Variants in SENP2 observed in about 807,000 individuals in gnomAD.
SENP2 encodes sentrin-specific protease 2.
Under a neutral mutation model 86.3 loss-of-function variants are expected in SENP2, and 16 were observed. The ratio of observed to expected loss-of-function variants is 0.19; its 90% confidence interval spans 0.13 to 0.28. The LOEUF (loss-of-function observed/expected upper bound fraction) is 0.28, where lower values mean the gene tolerates loss of function less well. Ranked by LOEUF, SENP2 falls within the 10% of genes least tolerant of loss-of-function variation. The pLI is 1.00. For missense variants in SENP2, 552 were observed against 703.0 expected, an observed-to-expected ratio of 0.79 and a Z score of 2.43; for synonymous variants, 222 against 238.7, an observed-to-expected ratio of 0.93 and a Z score of 0.64.
intron 7 of SENP2, among the ~76,000 whole-genome samples, chr3:185,610,655 G>A: frequency 6.6e-6 from 1 of 152,020 alleles, no homozygotes; most frequent in Non-Finnish European, 1.5e-5. Flanking sequence ...AACTATTTTT[G>A]CTTTTTAAAG....
intron 2 of SENP2, 57 bp downstream of exon 2, chr3:185,590,226 G>A: frequency 3.3e-6 from 3 of 895,994 alleles, no homozygotes; most frequent in South Asian, 1.8e-5. Context: ...ATATATGCAT[G>A]GAACAAAATT....
intron 1 of SENP2, among the ~76,000 whole-genome samples, chr3:185,588,460 G>A (rs1020883835): frequency 6.6e-6 from 1 of 152,128 alleles, no homozygotes; most frequent in Admixed American, 6.6e-5. Flanking sequence ...CAAAATGCTG[G>A]GACTACAGAC....
At chr3:185,592,106 T>G (rs1308530566) in intron 2 of SENP2, among the ~76,000 whole-genome samples, 1 of 143,644 alleles carries the variant, frequency 7.0e-6, no homozygotes, top group African/African-American at 2.6e-5. Flanking sequence ...GAGGCAAGGG[T>G]ATCACTGTGT....
At chr3:185,601,903 G>C (rs1266976704) in intron 5 of SENP2, among the ~76,000 whole-genome samples, 2 of 152,140 alleles carry the variant, frequency 1.3e-5, no homozygotes, top group Non-Finnish European at 2.9e-5. Context: ...CTCTCAAAGT[G>C]CTGGGATTAC....
chr3:185,609,273 G>A lies in SENP2; in HGVS notation c.645G>A (p.Lys215=). The change falls in exon 7 of 17, where the codon AAG becomes AAA. Residue 215 remains lysine, a synonymous_variant. Coordinates refer to ENST00000296257, the MANE Select transcript of SENP2 (RefSeq NM_021627.3). ...EEGVQKEERE[K]YRKLLERLKE... is the part of the protein sequence containing the mutation. ...GTGTTCAAAAAGAGGAAAGAGAGAA[G>A]TACCGAAAGTTATTGGAACGACTTA... The A allele has an allele frequency of 6.2e-7, 1 of 1,613,450 alleles. No homozygotes were observed. Among genetic ancestry groups the A allele is most frequent in the Non-Finnish European group, 8.5e-7 (1 of 1,179,486 alleles).
chr3:185,592,347 C>G (rs1382026632), intron 2 of SENP2, among the ~76,000 whole-genome samples: 2 of 151,790 alleles, frequency 1.3e-5, no homozygotes, highest in Non-Finnish European at 2.9e-5. Flanking sequence ...GCCACTGTGC[C>G]CAGCCAAGTC....
Position 185,629,933 on chromosome 3 carries a change from C to A in SENP2, c.*89C>A. On this transcript the variant is annotated 3_prime_UTR_variant, in exon 17 of 17. Coordinates refer to ENST00000296257, the MANE Select transcript of SENP2 (RefSeq NM_021627.3). ...TGCATTGTGGGTTAAAAAGTCCCTG[C>A]ATCACTTCTGTTCTCACAGGTACTG... 1 of 1,297,900 alleles carries A rather than the reference C, an allele frequency of 7.7e-7. No homozygotes were observed. Among genetic ancestry groups the A allele is most frequent in the Non-Finnish European group, 1.1e-6 (1 of 899,708 alleles). 80.4% of individuals were successfully genotyped at this position (1,297,900 alleles called of 1,614,324 possible). A position where few individuals can be genotyped will look rare whatever the true frequency, so the allele number is the denominator to read the frequency against.
chr3:185,623,193 G>A (rs1343884359), intron 14 of SENP2, among the ~76,000 whole-genome samples: 1 of 149,272 alleles, frequency 6.7e-6, no homozygotes, highest in Non-Finnish European at 1.5e-5. Context: ...CCAGGCTGGA[G>A]TGCAATGGCG....
intron 8 of SENP2, chr3:185,612,170 A>G (rs35637544): frequency 0.27 from 43,631 of 158,774 alleles, 6,599 homozygotes; most frequent in African/African-American, 0.39. Flanking sequence ...AAAAAAAAAA[A>G]CCTCACAGCA....
intron 16 of SENP2, among the ~76,000 whole-genome samples, chr3:185,628,755 C>T (rs1255517106): frequency 6.6e-6 from 1 of 152,150 alleles, no homozygotes; most frequent in African/African-American, 2.4e-5. Context: ...ATATGCCCAC[C>T]TTGGCCTCCC....
rs1451949810 is a variant in SENP2, at chr3:185,612,612, CTTG to C, written c.827_829del (p.Val276del). 1 of 1,605,250 alleles carries C rather than the reference CTTG, an allele frequency of 6.2e-7. No homozygotes were observed. Among genetic ancestry groups the C allele is most frequent in the South Asian group, 1.1e-5 (1 of 90,740 alleles). The stretch of plus-strand genomic sequence containing the variant: ...TTTCTTTACCATCCTCACAGATAGA[CTTG>C]TTGAAACAAGGGGACCTCTATGTTC... On this transcript the variant is annotated inframe_deletion, in exon 9 of 17. Coordinates refer to ENST00000296257, the MANE Select transcript of SENP2 (RefSeq NM_021627.3).
Position 185,611,684 on chromosome 3 carries a change from C to T in SENP2, c.756C>T (p.Thr252=). 6.2e-7 allele frequency: 1 copy of T among 1,613,640 alleles called. No individual in the cohort carries two copies. The highest frequency in any genetic ancestry group is 8.5e-7 in the Non-Finnish European group (1 of 1,179,870). The change falls in exon 8 of 17, where the codon ACC becomes ACT. Residue 252 remains threonine (T), a synonymous_variant. Coordinates refer to ENST00000296257, the MANE Select transcript of SENP2 (RefSeq NM_021627.3). ...SQRSQMDTLK[T]KGWGEEQNHG... ...GAAGTCAGATGGACACATTAAAGAC[C>T]AAAGGCTGGGGGGAAGAGCAAAATC...
At chr3:185,612,095 T>G (rs1432927623) in intron 8 of SENP2, 1 of 172,262 alleles carries the variant, frequency 5.8e-6, no homozygotes, top group Non-Finnish European at 1.2e-5. Flanking sequence ...AGGTGGAGGT[T>G]GCAGTGAGCC....
In SENP2 at chr3:185,614,647, CAGG is replaced by C; in HGVS notation, c.1022_1024del (p.Arg341del). 1 of 1,614,178 alleles carries C rather than the reference CAGG, an allele frequency of 6.2e-7. No individual in the cohort carries two copies. Among genetic ancestry groups the C allele is most frequent in the East Asian group, 2.2e-5 (1 of 44,890 alleles). On this transcript the variant is annotated inframe_deletion, in exon 11 of 17. Transcript: ENST00000296257. ...TGGGCAGTGGAAGCAATGGCTTACT[CAGG>C]AGGAAAGTGTCAATAATTGAGACAA...
chr3:185,610,466 A>G (rs1722651677), intron 7 of SENP2, among the ~76,000 whole-genome samples: 1 of 151,962 alleles, frequency 6.6e-6, no homozygotes, highest in Non-Finnish European at 1.5e-5. Flanking sequence ...CCGGCCTACT[A>G]TCTAGCTTTT....
chr3:185,590,946 G>C (rs1367526824), intron 2 of SENP2, among the ~76,000 whole-genome samples: 10 of 87,760 alleles, frequency 1.1e-4, no homozygotes, highest in African/African-American at 3.8e-4. Flanking sequence ...TTGCTCTGTC[G>C]CAGGCTGGAG....
At chr3:185,589,838 TA>T (rs536905452) in intron 1 of SENP2, among the ~76,000 whole-genome samples, 133 of 152,256 alleles carry the variant, frequency 8.7e-4, no homozygotes, top group Non-Finnish European at 1.5e-3. Flanking sequence ...ATTTTTTATT[TA>T]TTTTTTTATC....
At chr3:185,613,467 T>A in intron 10 of SENP2, 59 bp downstream of exon 10, 2 of 1,069,080 alleles carry the variant, frequency 1.9e-6, no homozygotes, top group Non-Finnish European at 2.8e-6. Flanking sequence ...TATGTTTTGG[T>A]GCCCATGAAA....
rs1577728539 is a variant in SENP2, at chr3:185,606,657, A to G, written c.618+159A>G. ...ATGAGGCTGTCTTAAACCCAGATGC[A>G]CCAAAAATCTGCATGCAGCATGTGC... On this transcript the variant is annotated intron_variant, in intron 6 of 16. Coordinates refer to ENST00000296257, the MANE Select transcript of SENP2 (RefSeq NM_021627.3). The G allele has an allele frequency of 1.4e-5, 9 of 640,760 alleles. No homozygotes were observed. The East Asian group carries it at 1.9e-4, about 13-fold the overall frequency. The allele number at this position is 640,760 out of a possible 1,614,324, so 39.7% of individuals were successfully genotyped here.
Sources: allele counts gnomAD v4.1 joint callset (sites outside exome capture counted in the v4.1 genomes callset), GRCh38; gene constraint gnomAD v4.1.1; transcripts MANE v1.5; gene names NCBI Gene and HGNC (gene_info 2026-07-23, HGNC 2026-07-21).